The following SCP2 variants were observed in gnomAD, a reference collection of about 807,000 sequenced individuals.
SCP2 encodes the protein SCP-2/3-oxoacyl-CoA thiolase.
Under a neutral mutation model 71.4 loss-of-function variants are expected in SCP2, and 48 were observed. The observed-to-expected ratio is 0.67, with a 90% CI of 0.53 to 0.86. SCP2 has a LOEUF of 0.86. SCP2 is among the 40% of genes least tolerant of loss of function. SCP2 has a pLI of 0.00. For synonymous variants in SCP2, 220 were observed against 218.1 expected (o/e 1.01, Z -0.08); for missense variants, 560 against 655.6 (o/e 0.85, Z 1.59).
chr1:52,991,714 T>C (rs1391456593), intron 11 of SCP2, among the ~76,000 whole-genome samples: 1 of 152,200 alleles, frequency 6.6e-6, no homozygotes, highest in African/African-American at 2.4e-5. Context: ...CTCTTGTTTT[T>C]ATCACAGTAT....
At chr1:52,945,744 AAT>A (rs147167752) in intron 2 of SCP2, among the ~76,000 whole-genome samples, 91 of 145,044 alleles carry the variant, frequency 6.3e-4, no homozygotes, top group Admixed American at 7.5e-4. Flanking sequence ...AGTTGTGCAT[AAT>A]ATATATATAT....
intron 12 of SCP2, among the ~76,000 whole-genome samples, chr1:53,021,623 T>C (rs1487010158): frequency 1.4e-5 from 2 of 146,496 alleles, no homozygotes; most frequent in African/African-American, 5.2e-5. Context: ...CTCGGGCTTT[T>C]TCTTTCCTTT....
chr1:52,966,274 C>T (rs527755493), intron 6 of SCP2, among the ~76,000 whole-genome samples: 7 of 151,196 alleles, frequency 4.6e-5, no homozygotes, highest in Admixed American at 1.3e-4. Context: ...AAAAAGTATC[C>T]GTCAGTGTCT....
intron 14 of SCP2, among the ~76,000 whole-genome samples, chr1:53,044,161 G>A (rs1261863602): frequency 2.0e-5 from 3 of 151,930 alleles, no homozygotes; most frequent in Admixed American, 6.6e-5. Context: ...GGGTTCAAGC[G>A]ATTCTCCTGC....
At chr1:52,944,270 A>G (rs1208594366) in intron 2 of SCP2, among the ~76,000 whole-genome samples, 1 of 152,162 alleles carries the variant, frequency 6.6e-6, no homozygotes, top group Non-Finnish European at 1.5e-5. Context: ...ACCATAAGTA[A>G]TATTATGGGG....
chr1:53,026,167 C>A (rs56978223), intron 12 of SCP2, among the ~76,000 whole-genome samples: 20,870 of 152,022 alleles, frequency 0.14, 2,041 homozygotes, highest in East Asian at 0.32. Flanking sequence ...GGTACAAGTA[C>A]TAATTTAATA....
intron 8 of SCP2, 25 bp from the exon 9 acceptor site, chr1:52,978,192 G>A: frequency 6.2e-7 from 1 of 1,611,818 alleles, no homozygotes; most frequent in Non-Finnish European, 8.5e-7. Context: ...ACTGGGTGTG[G>A]AGAATTATTT....
intron 14 of SCP2, among the ~76,000 whole-genome samples, chr1:53,040,597 T>C (rs1378119870): frequency 6.6e-6 from 1 of 152,036 alleles, no homozygotes. Flanking sequence ...GGCGGGCACG[T>C]GTAGCCCCAG....
chr1:52,993,855 T>G, intron 11 of SCP2: 1 of 1,487,968 alleles, frequency 6.7e-7, no homozygotes, highest in Non-Finnish European at 8.9e-7. Context: ...ACAACATTAG[T>G]AATCATATGA....
At chr1:52,929,379 G>T (rs1652914988) in intron 1 of SCP2, among the ~76,000 whole-genome samples, 1 of 151,350 alleles carries the variant, frequency 6.6e-6, no homozygotes, top group Non-Finnish European at 1.5e-5. Flanking sequence ...GTAGAGACAG[G>T]GTCTCACTAC....
At position 52,959,644 on chromosome 1, in the gene SCP2, C is replaced by T. The variant is rs74831065; in HGVS notation, c.397-1859C>T. On this transcript the variant is annotated intron_variant, in intron 5 of 15. Transcript: ENST00000371514. ...TTGTCTATTTTTTTTGTAAAGTGAG[C>T]GTTGATAGTTTATGTCCTTCACGGA... is the stretch of plus-strand genomic sequence containing the variant. Among the ~76,000 whole-genome samples, 1,161 of 151,670 alleles carry T rather than the reference C, an allele frequency of 7.7e-3. 10 individuals are homozygous for T. The highest frequency in any genetic ancestry group is 0.025 in the African/African-American group (1,049 of 41,336).
intron 11 of SCP2, 129 bp downstream of exon 11, chr1:52,988,265 AGCTT>A (rs1396522721): frequency 1.5e-6 from 1 of 659,976 alleles, no homozygotes; most frequent in East Asian, 2.7e-5. Context: ...ATGATTGTTT[AGCTT>A]CAATATTTTT....
intron 12 of SCP2, among the ~76,000 whole-genome samples, chr1:53,021,238 G>A (rs1661697753): frequency 6.6e-6 from 1 of 151,614 alleles, no homozygotes; most frequent in Non-Finnish European, 1.5e-5. Context: ...TGAACTCTTG[G>A]GCTCAAGTGA....
At position 53,032,204 on chromosome 1, in the gene SCP2, A is replaced by G. The variant is rs115389159; in HGVS notation, c.1338+4133A>G. 4.1e-3 allele frequency among the ~76,000 whole-genome samples: 624 copies of G among 152,330 alleles called. 5 individuals are homozygous for G. The highest frequency in any genetic ancestry group is 0.014 in the African/African-American group (599 of 41,574). ...GTTTAGAAATGTTGATGTGACCTAC[A>G]GTTTCAGTGTGGTATGGTCAAATGG... is the stretch of plus-strand genomic sequence containing the variant. On this transcript the variant is annotated intron_variant, in intron 13 of 15. Coordinates refer to ENST00000371514, the MANE Select transcript of SCP2 (RefSeq NM_002979.5).
At chr1:53,027,886 A>T in intron 12 of SCP2, 83 bp from the exon 13 acceptor site, 1 of 774,098 alleles carries the variant, frequency 1.3e-6, no homozygotes, top group Non-Finnish European at 2.2e-6. Flanking sequence ...GTTTTTGAAA[A>T]TTTTGAAAAT....
intron 5 of SCP2, among the ~76,000 whole-genome samples, chr1:52,960,665 T>C (rs896092982): frequency 6.7e-6 from 1 of 149,400 alleles, no homozygotes; most frequent in Non-Finnish European, 1.5e-5. Context: ...TGTGTATATA[T>C]ATGTATGTGT....
At chr1:53,050,326 A>G in intron 15 of SCP2, 2 of 391,008 alleles carry the variant, frequency 5.1e-6, no homozygotes, top group South Asian at 4.5e-5. Context: ...TAATCAGTGT[A>G]GTATGAACCC....
At chr1:53,047,814 G>T in intron 14 of SCP2, 44 bp from the exon 15 acceptor site, 1 of 1,354,374 alleles carries the variant, frequency 7.4e-7, no homozygotes, top group South Asian at 1.2e-5. Flanking sequence ...ATGTGAAACT[G>T]AACACCTCCT....
At chr1:53,015,134 T>G (rs764176573) in intron 12 of SCP2, 91 bp downstream of exon 12, 6 of 1,242,468 alleles carry the variant, frequency 4.8e-6, no homozygotes, top group Non-Finnish European at 7.1e-6. Flanking sequence ...CTTATTTTAT[T>G]GTCTTAGTAT....
Sources: allele counts gnomAD v4.1 joint callset (sites outside exome capture counted in the v4.1 genomes callset), GRCh38; gene constraint gnomAD v4.1.1; transcripts MANE v1.5; gene names NCBI Gene and HGNC (gene_info 2026-07-23, HGNC 2026-07-21).